CLNK: variants seen among roughly 807,000 people sequenced by gnomAD.
The protein encoded by CLNK is cytokine-dependent hematopoietic cell linker.
In CLNK, 74 loss-of-function variants were observed where a neutral mutation model predicts 68.6. That is an observed-to-expected ratio of 1.08 (90% CI 0.89 to 1.31). The LOEUF is 1.31. Ranked by LOEUF, CLNK falls within the 50% of genes most tolerant of loss-of-function variation. The pLI, the probability that CLNK is intolerant of heterozygous loss-of-function variation, is 0.00. For synonymous variants in CLNK, 198 were observed against 172.2 expected (o/e 1.15, Z -1.17); for missense variants, 553 against 515.3 (o/e 1.07, Z -0.71).
the CLNK span, among the ~76,000 whole-genome samples, chr4:10,718,212 AG>A: frequency 6.6e-6 from 1 of 152,286 alleles, no homozygotes; most frequent in South Asian, 2.1e-4. Flanking sequence ...TTGGAGCCCA[AG>A]AAAGAGAGGA....
At chr4:10,641,326 G>A (rs1007411582) in intron 2 of CLNK, among the ~76,000 whole-genome samples, 4 of 152,170 alleles carry the variant, frequency 2.6e-5, no homozygotes, top group South Asian at 2.1e-4. Flanking sequence ...AGTGGAGGTA[G>A]AGAGACAGCA....
At chr4:10,557,076 AAAAT>A (rs145622246) in intron 8 of CLNK, among the ~76,000 whole-genome samples, 3,329 of 140,034 alleles carry the variant, frequency 0.024, 92 homozygotes, top group African/African-American at 0.072. Flanking sequence ...ACTCTGTCTC[AAAAT>A]AAATAAATAA....
At chr4:10,626,637 A>G (rs2720365) in intron 2 of CLNK, among the ~76,000 whole-genome samples, 103,530 of 152,104 alleles carry the variant, frequency 0.68, 36,289 homozygotes, top group East Asian at 0.77. Flanking sequence ...TGTGGCACAC[A>G]TATATGTAAA....
the CLNK span, among the ~76,000 whole-genome samples, chr4:10,690,682 A>G: frequency 2.0e-5 from 3 of 152,242 alleles, no homozygotes; most frequent in South Asian, 6.2e-4. Context: ...TTTAATCATT[A>G]CAATAACGCC....
chr4:10,569,514 G>T (rs1330274655), intron 5 of CLNK, among the ~76,000 whole-genome samples: 1 of 152,142 alleles, frequency 6.6e-6, no homozygotes, highest in East Asian at 1.9e-4. Flanking sequence ...AGAGTCATGA[G>T]AAAATAAACC....
chr4:10,558,341 AG>A, intron 8 of CLNK, 65 bp downstream of exon 8: 1 of 1,346,844 alleles, frequency 7.4e-7, no homozygotes, highest in Non-Finnish European at 1.1e-6. Flanking sequence ...GTAATGCGAG[AG>A]GATCTTAGAA....
chr4:10,626,430 C>T (rs1325030383), intron 2 of CLNK, among the ~76,000 whole-genome samples: 1 of 152,202 alleles, frequency 6.6e-6, no homozygotes, highest in African/African-American at 2.4e-5. Flanking sequence ...CAAATTCTTT[C>T]TTTCCTGTAA....
intron 4 of CLNK, among the ~76,000 whole-genome samples, chr4:10,575,812 C>T (rs1470311931): frequency 1.3e-5 from 2 of 152,226 alleles, no homozygotes; most frequent in Non-Finnish European, 2.9e-5. Context: ...TCCTTTGATC[C>T]ACATTGGATT....
chr4:10,660,869 A>G (rs140077059), intron 2 of CLNK, among the ~76,000 whole-genome samples: 2 of 152,334 alleles, frequency 1.3e-5, no homozygotes, highest in East Asian at 1.9e-4. Flanking sequence ...GATTTCAGCT[A>G]TGTTCCCTCA....
the CLNK span, among the ~76,000 whole-genome samples, chr4:10,705,711 A>T: frequency 6.6e-6 from 1 of 152,242 alleles, no homozygotes; most frequent in African/African-American, 2.4e-5. Context: ...TCTTAAGGTC[A>T]GTTGATTAGC....
intron 2 of CLNK, among the ~76,000 whole-genome samples, chr4:10,660,993 C>A (rs1333482056): frequency 6.6e-6 from 1 of 152,152 alleles, no homozygotes; most frequent in Admixed American, 6.5e-5. Context: ...ATAATTACTT[C>A]TGGGTAACTA....
Position 10,501,463 on chromosome 4 carries a change from C to A in CLNK, c.985-52G>T. ...TTTTCAGACACGCCAGCATTCTGCC[C>A]TTGTAATGGTGGCAACAATGATGTC... On this transcript the variant is annotated intron_variant, in intron 17 of 18. Transcript: ENST00000226951. The A allele has an allele frequency of 4.5e-6, 7 of 1,553,572 alleles. No individual in the cohort carries two copies. The South Asian group carries it at 8.5e-5, about 19-fold the overall frequency.
intron 2 of CLNK, among the ~76,000 whole-genome samples, chr4:10,666,087 G>T (rs1724386997): frequency 6.6e-6 from 1 of 152,196 alleles, no homozygotes; most frequent in Non-Finnish European, 1.5e-5. Flanking sequence ...AGAGGAGAGT[G>T]ATGCGGCCAC....
chr4:10,728,298 T>C, the CLNK span, among the ~76,000 whole-genome samples: 2 of 152,190 alleles, frequency 1.3e-5, no homozygotes, highest in East Asian at 3.8e-4. Context: ...TTTAGAAGAA[T>C]ACACAAATAC....
At chr4:10,672,751 G>C (rs1405891992) in intron 1 of CLNK, among the ~76,000 whole-genome samples, 1 of 152,210 alleles carries the variant, frequency 6.6e-6, no homozygotes, top group Non-Finnish European at 1.5e-5. Flanking sequence ...AAATGTCCCA[G>C]ATATTTTAAC....
the CLNK span, among the ~76,000 whole-genome samples, chr4:10,725,130 A>G: frequency 2.0e-5 from 3 of 152,128 alleles, no homozygotes; most frequent in East Asian, 5.8e-4. Context: ...ATGCCTCCCC[A>G]GGTCCCATAG....
At chr4:10,545,637 C>T (rs1719196916) in intron 8 of CLNK, among the ~76,000 whole-genome samples, 1 of 152,060 alleles carries the variant, frequency 6.6e-6, no homozygotes. Flanking sequence ...TAGGCATTGC[C>T]CTGGTGGGGA....
At chr4:10,650,022 A>G (rs1723665603) in intron 2 of CLNK, among the ~76,000 whole-genome samples, 1 of 152,220 alleles carries the variant, frequency 6.6e-6, no homozygotes, top group Non-Finnish European at 1.5e-5. Context: ...CACATGAACA[A>G]AGTGTACATA....
intron 2 of CLNK, among the ~76,000 whole-genome samples, chr4:10,613,807 C>T (rs938717474): frequency 1.3e-5 from 2 of 152,310 alleles, no homozygotes; most frequent in Middle Eastern, 3.4e-3. Context: ...TTTTGGAAAC[C>T]ATTAAAAAAG....
Sources: allele counts gnomAD v4.1 joint callset (sites outside exome capture counted in the v4.1 genomes callset), GRCh38; gene constraint gnomAD v4.1.1; transcripts MANE v1.5; gene names NCBI Gene and HGNC (gene_info 2026-07-23, HGNC 2026-07-21).